Variants in EVL observed in about 807,000 individuals in gnomAD.
The protein encoded by EVL is ena/VASP-like protein.
EVL carries 21 observed loss-of-function variants against 59.6 expected under a neutral mutation model. The observed-to-expected ratio is 0.35, with a 90% confidence interval of 0.25 to 0.51. The LOEUF is 0.51. Among genes scored for constraint, EVL ranks in the 20% least tolerant of loss-of-function variants. The pLI is 0.97. For synonymous variants in EVL, 198 were observed against 203.5 expected, an observed-to-expected ratio of 0.97 and a Z score of 0.23; for missense variants, 462 against 546.6, an observed-to-expected ratio of 0.85 and a Z score of 1.54.
In EVL at chr14:100,143,705, C is replaced by T. The variant is rs1374807244; in HGVS notation, c.1224C>T (p.Ile408=). 2 of 1,612,314 alleles carry T rather than the reference C, an allele frequency of 1.2e-6. No homozygotes were observed. The highest frequency in any genetic ancestry group is 8.5e-7 in the Non-Finnish European group (1 of 1,179,894). The change falls in exon 14 of 14, where the codon ATC becomes ATT. Residue 408 remains isoleucine, a synonymous_variant. Coordinates refer to ENST00000392920, the MANE Select transcript of EVL (RefSeq NM_016337.3). ...HKVKEEIIDA[I]RQELSGISTT ...CCGCCGCCACCTGTCCCGCAGCCAT[C>T]AGGCAGGAGCTGAGTGGGATCAGCA...
intron 3 of EVL, among the ~76,000 whole-genome samples, chr14:100,104,402 A>C (rs1886428286): frequency 6.6e-6 from 1 of 152,052 alleles, no homozygotes; most frequent in Non-Finnish European, 1.5e-5. Context: ...TCCTTTTCTC[A>C]TATTGGATTA....
intron 2 of EVL, among the ~76,000 whole-genome samples, chr14:100,092,650 G>A (rs149696472): frequency 1.3e-5 from 2 of 152,080 alleles, no homozygotes; most frequent in East Asian, 3.9e-4. Context: ...CAGGAGAATC[G>A]CTTGAACCCA....
chr14:100,053,699 G>A (rs1355845546), intron 1 of EVL, among the ~76,000 whole-genome samples: 1 of 152,160 alleles, frequency 6.6e-6, no homozygotes. Context: ...CTGTGACTTT[G>A]TAACCACCAT....
At chr14:100,042,758 C>G (rs1471582074) in intron 1 of EVL, among the ~76,000 whole-genome samples, 1 of 152,230 alleles carries the variant, frequency 6.6e-6, no homozygotes, top group Non-Finnish European at 1.5e-5. Context: ...TAAAGCCACT[C>G]CATTTGGGAT....
At position 100,128,445 on chromosome 14, in the gene EVL, A is replaced by G. The variant is rs1361091747; in HGVS notation, c.488-74A>G. On this transcript the variant is annotated intron_variant, in intron 5 of 13. Transcript: ENST00000392920. ...CCTGCCCCTGTCCTTCCTCCGGGGA[A>G]CCTGAGCTGAGAGCAGCAGGCTTGG... 4.1e-6 allele frequency: 6 copies of G among 1,459,194 alleles called. No homozygotes were observed. In the African/African-American group the frequency reaches 7.0e-5, roughly 17 times the overall value. The allele number at this position is 1,459,194 out of a possible 1,614,324, so 90.4% of individuals were successfully genotyped here.
At chr14:100,049,435 C>T (rs1416341115) in intron 1 of EVL, among the ~76,000 whole-genome samples, 2 of 152,100 alleles carry the variant, frequency 1.3e-5, no homozygotes, top group African/African-American at 4.8e-5. Flanking sequence ...CATTTTATGT[C>T]ATTGTACTCT....
intron 1 of EVL, among the ~76,000 whole-genome samples, chr14:100,055,327 C>A (rs940933979): frequency 6.6e-6 from 1 of 151,970 alleles, no homozygotes; most frequent in Non-Finnish European, 1.5e-5. Flanking sequence ...TTTCTAAGTT[C>A]TGTCTATTGT....
intron 1 of EVL, among the ~76,000 whole-genome samples, chr14:100,019,101 A>C: frequency 6.6e-6 from 1 of 152,238 alleles, no homozygotes; most frequent in East Asian, 1.9e-4. Context: ...GTGCTAAAAT[A>C]GTGTTTGATA....
At chr14:100,121,497 T>C (rs1887697050) in intron 3 of EVL, among the ~76,000 whole-genome samples, 1 of 152,222 alleles carries the variant, frequency 6.6e-6, no homozygotes, top group Non-Finnish European at 1.5e-5. Flanking sequence ...AACATTTTCT[T>C]CGTTTAAGAA....
intron 4 of EVL, among the ~76,000 whole-genome samples, chr14:100,125,151 CCTGCCCCAAGGCAGGAAT>C (rs1566718491): frequency 4.4e-4 from 55 of 124,144 alleles, no homozygotes; most frequent in South Asian, 1.4e-3. Context: ...CACACACACA[CCTGCCCCAAGGCAGGAAT>C]ACACACACAC....
chr14:100,047,108 ATC>A (rs200568848), intron 1 of EVL, among the ~76,000 whole-genome samples: 1,054 of 24,504 alleles, frequency 0.043, 68 homozygotes, highest in Middle Eastern at 0.093. Context: ...CCTTGGGCAG[ATC>A]TCTCTCTCTT....
At chr14:100,052,980 T>C (rs1019375922) in intron 1 of EVL, 2 of 152,254 alleles carry the variant, frequency 1.3e-5, no homozygotes, top group African/African-American at 4.8e-5. Context: ...CTTCTTGCAG[T>C]GCACTCACCT....
Position 100,127,625 on chromosome 14 carries a change from C to T in EVL, c.487+854C>T, listed in dbSNP as rs1020255557. On this transcript the variant is annotated intron_variant, in intron 5 of 13. Coordinates refer to ENST00000392920, the MANE Select transcript of EVL (RefSeq NM_016337.3). The surrounding 1 kb of genome is among the most constrained non-coding windows in gnomAD (Gnocchi z 4.2). ...CTCTCCCTCTAGTGCCTCGCAAGCA[C>T]TTCCCATCCTTTTCCTCCTTCCTCA... 2.6e-5 allele frequency among the ~76,000 whole-genome samples: 4 copies of T among 152,128 alleles called. No homozygotes were observed. The highest frequency in any genetic ancestry group is 2.9e-5 in the Non-Finnish European group (2 of 68,026).
rs561710550 is a variant in EVL at position 100,094,125 on chromosome 14, CA to C, written c.181-3347del. ...TAAGCGGGGACTACCATACTGGCAA[CA>C]AAAAAAAATCACGAAGTCCTCGGCT... On this transcript the variant is annotated intron_variant, in intron 2 of 13. Transcript: ENST00000392920. 3.3e-3 allele frequency among the ~76,000 whole-genome samples: 504 copies of C among 150,452 alleles called. 8 individuals carry two copies. In the South Asian group the frequency reaches 0.044, roughly 13 times the overall value.
intron 7 of EVL, among the ~76,000 whole-genome samples, chr14:100,132,139 C>T (rs576389366): frequency 1.1e-4 from 16 of 151,732 alleles, no homozygotes; most frequent in South Asian, 2.1e-4. Context: ...GTACATGAAA[C>T]GGGGATTCAT....
intron 3 of EVL, chr14:100,106,642 A>G (rs1325529229): frequency 7.6e-6 from 3 of 394,448 alleles, no homozygotes; most frequent in African/African-American, 4.1e-5. Flanking sequence ...TAATCTATGA[A>G]TTTCACTTCA....
chr14:100,136,173 C>G (rs988135439), intron 9 of EVL, among the ~76,000 whole-genome samples: 1 of 152,242 alleles, frequency 6.6e-6, no homozygotes, highest in Non-Finnish European at 1.5e-5. Context: ...AGCAGAGCCA[C>G]TGTGATGGGT....
chr14:100,118,037 T>C (rs1239697196), intron 3 of EVL, among the ~76,000 whole-genome samples: 2 of 152,062 alleles, frequency 1.3e-5, no homozygotes, highest in African/African-American at 2.4e-5. Context: ...AAAACAGTTA[T>C]GTCCATGGAG....
chr14:100,135,656 A>T (rs539123377), intron 8 of EVL: 47 of 451,514 alleles, frequency 1.0e-4, no homozygotes, highest in South Asian at 1.8e-4. Flanking sequence ...AGGAAGTTCT[A>T]TATCACCCTG....
Sources: allele counts gnomAD v4.1 joint callset (sites outside exome capture counted in the v4.1 genomes callset), GRCh38; gene constraint gnomAD v4.1.1; non-coding constraint Gnocchi (gnomAD v3.1); transcripts MANE v1.5; gene names NCBI Gene and HGNC (gene_info 2026-07-23, HGNC 2026-07-21).